SPAG6: variants seen among roughly 807,000 people sequenced by gnomAD.
SPAG6 encodes sperm-associated antigen 6.
SPAG6 carries 49 observed loss-of-function variants against 58.5 expected under a neutral mutation model. The ratio of observed to expected loss-of-function variants is 0.84; its 90% CI spans 0.67 to 1.06. SPAG6 has a LOEUF of 1.06. Among genes scored for constraint, SPAG6 ranks in the 50% least tolerant of loss-of-function variants. SPAG6 has a pLI of 0.00. For synonymous variants in SPAG6, 233 were observed against 225.6 expected (o/e 1.03, Z -0.29); for missense variants, 560 against 611.3 (o/e 0.92, Z 0.89).
At chr10:22,346,571 T>C (rs1429722622) in intron 2 of SPAG6, among the ~76,000 whole-genome samples, 2 of 151,670 alleles carry the variant, frequency 1.3e-5, no homozygotes, top group Non-Finnish European at 2.9e-5. Context: ...TGGATGATTC[T>C]ACCACCATCT....
intron 2 of SPAG6, among the ~76,000 whole-genome samples, chr10:22,354,010 G>A (rs116389645): frequency 2.8e-4 from 43 of 152,292 alleles, no homozygotes; most frequent in African/African-American, 9.6e-4. Flanking sequence ...GGAGAGGAGA[G>A]TCAGTCATGG....
chr10:22,394,786 A>C (rs1834254995), intron 8 of SPAG6, among the ~76,000 whole-genome samples: 1 of 152,182 alleles, frequency 6.6e-6, no homozygotes, highest in Non-Finnish European at 1.5e-5. Flanking sequence ...AACTCATTGA[A>C]GCCTTGAACT....
rs1254109296 is a variant in SPAG6, at chr10:22,345,933, G to T, written c.121+115G>T. The T allele has an allele frequency of 1.9e-6, 3 of 1,564,672 alleles. No homozygotes were observed. The highest frequency in any genetic ancestry group is 2.6e-6 in the Non-Finnish European group (3 of 1,155,082). On this transcript the variant is annotated intron_variant, in intron 2 of 10. Coordinates refer to ENST00000376624, the MANE Select transcript of SPAG6 (RefSeq NM_012443.4). This position sits in a 1 kb window ranked among gnomAD's most constrained non-coding sequence, Gnocchi z 6.3. ...AGCCGCAGTGTGGGGACCGGAGTTCGCAAAAGCATCCATTCTTTTCAGCGG... is the reference window on the plus strand; with the variant it reads ...AGCCGCAGTGTGGGGACCGGAGTTCTCAAAAGCATCCATTCTTTTCAGCGG...
chr10:22,384,736 A>T (rs1259072621), intron 4 of SPAG6, among the ~76,000 whole-genome samples: 2 of 152,160 alleles, frequency 1.3e-5, no homozygotes, highest in Non-Finnish European at 2.9e-5. Flanking sequence ...CCCACATTTA[A>T]CATTGCTACT....
intron 2 of SPAG6, among the ~76,000 whole-genome samples, chr10:22,357,216 T>C (rs1472068012): frequency 6.6e-6 from 1 of 152,084 alleles, no homozygotes; most frequent in East Asian, 1.9e-4. Flanking sequence ...CTGTGTTGCC[T>C]CCCCATGTCC....
chr10:22,391,699 T>C (rs899839292), intron 7 of SPAG6, 30 bp from the exon 8 acceptor site: 3 of 1,603,246 alleles, frequency 1.9e-6, no homozygotes, highest in East Asian at 4.5e-5. Flanking sequence ...TCTAGATTCA[T>C]AACACTTGCT....
chr10:22,378,315 C>T (rs1044497965), intron 4 of SPAG6, among the ~76,000 whole-genome samples: 15 of 151,792 alleles, frequency 9.9e-5, no homozygotes, highest in African/African-American at 2.7e-4. Context: ...CTGCCCACTT[C>T]GGCCTCCCTA....
At chr10:22,406,069 G>A (rs1306592382) in intron 9 of SPAG6, among the ~76,000 whole-genome samples, 1 of 151,874 alleles carries the variant, frequency 6.6e-6, no homozygotes, top group African/African-American at 2.4e-5. Context: ...TCAATTTTGT[G>A]GATCTTTTCA....
chr10:22,411,918 G>A (rs1309029667), intron 10 of SPAG6, among the ~76,000 whole-genome samples: 4 of 142,728 alleles, frequency 2.8e-5, no homozygotes, highest in Non-Finnish European at 4.5e-5. Context: ...GCGCGATTTC[G>A]GCTCACTGCA....
chr10:22,363,390 C>A (rs1468908221), intron 2 of SPAG6, among the ~76,000 whole-genome samples: 1 of 152,094 alleles, frequency 6.6e-6, no homozygotes, highest in Non-Finnish European at 1.5e-5. Flanking sequence ...TAAGCAACAC[C>A]CATGAACACT....
chr10:22,403,330 T>G (rs1322886644), intron 9 of SPAG6, among the ~76,000 whole-genome samples: 1 of 151,638 alleles, frequency 6.6e-6, no homozygotes, highest in Non-Finnish European at 1.5e-5. Flanking sequence ...TTCTCCTTCC[T>G]GTGTCCATGT....
At chr10:22,380,781 T>C (rs1203147288) in intron 4 of SPAG6, among the ~76,000 whole-genome samples, 1 of 152,212 alleles carries the variant, frequency 6.6e-6, no homozygotes, top group African/African-American at 2.4e-5. Flanking sequence ...AAACAAAATA[T>C]AACTTTGGTA....
intron 2 of SPAG6, among the ~76,000 whole-genome samples, chr10:22,364,445 C>T (rs1483887432): frequency 1.3e-5 from 2 of 152,086 alleles, no homozygotes; most frequent in Admixed American, 6.6e-5. Context: ...GGAGATAATA[C>T]GCAGGTGAGG....
chr10:22,401,008 T>G (rs1179432836), intron 8 of SPAG6, among the ~76,000 whole-genome samples, 153 bp from the exon 9 acceptor site: 2 of 151,732 alleles, frequency 1.3e-5, no homozygotes, highest in South Asian at 4.2e-4. Flanking sequence ...CAAGCAGGAG[T>G]TTTTTTTGGA....
chr10:22,360,991 C>T (rs778922510), intron 2 of SPAG6: 4 of 645,496 alleles, frequency 6.2e-6, no homozygotes, highest in Non-Finnish European at 1.1e-5. Flanking sequence ...ATAACAAAGT[C>T]TCCATGTTTA....
In SPAG6 at chr10:22,417,608, G is replaced by A. The variant is rs141539013; in HGVS notation, c.*920G>A. The A allele has an allele frequency of 4.7e-4, 72 of 152,302 alleles. No homozygotes were observed. Among genetic ancestry groups the A allele is most frequent in the African/African-American group, 1.7e-3 (69 of 41,572 alleles). 9.4% of individuals were successfully genotyped at this position (152,302 alleles called of 1,614,324 possible). A position where few individuals can be genotyped will look rare whatever the true frequency, so the allele number is the denominator to read the frequency against. On this transcript the variant is annotated 3_prime_UTR_variant, in exon 11 of 11. Coordinates refer to ENST00000376624, the MANE Select transcript of SPAG6 (RefSeq NM_012443.4). ...TTCAATAAAATTTTAAATAAAAACAGCATTAGAATTGTCCTTTTCATTTTT... is the reference window on the plus strand; with the variant it reads ...TTCAATAAAATTTTAAATAAAAACAACATTAGAATTGTCCTTTTCATTTTT...
chr10:22,405,891 T>C (rs1205711090), intron 9 of SPAG6, among the ~76,000 whole-genome samples: 2 of 152,254 alleles, frequency 1.3e-5, no homozygotes, highest in African/African-American at 4.8e-5. Flanking sequence ...GAGGAATTTA[T>C]CCATTTCTTC....
intron 4 of SPAG6, among the ~76,000 whole-genome samples, chr10:22,375,918 G>A (rs1833805650): frequency 6.6e-6 from 1 of 152,008 alleles, no homozygotes; most frequent in East Asian, 1.9e-4. Context: ...AGCGTTTTTG[G>A]TGTCACTGTG....
At chr10:22,361,155 T>A (rs997194500) in intron 2 of SPAG6, 15 of 292,526 alleles carry the variant, frequency 5.1e-5, no homozygotes, top group Non-Finnish European at 7.5e-5. Context: ...CAACAGATAT[T>A]TCAAATGGAC....
Sources: gnomAD v4.1 joint callset for allele counts (sites outside exome capture counted in the v4.1 genomes callset) on GRCh38, gnomAD v4.1.1 for gene constraint, Gnocchi (gnomAD v3.1) non-coding constraint, MANE v1.5 for transcripts, NCBI Gene and HGNC (gene_info 2026-07-23, HGNC 2026-07-21) for gene names.